Variants in MLIP observed in about 807,000 individuals in gnomAD.
MLIP encodes muscular LMNA interacting protein.
MLIP carries 79 observed loss-of-function variants against 84.8 expected under a neutral mutation model. The observed-to-expected ratio is 0.93, with a 90% CI of 0.78 to 1.12. The LOEUF (loss-of-function observed/expected upper bound fraction) is 1.12. Among genes scored for constraint, MLIP ranks in the 50% most tolerant of loss-of-function variants. MLIP has a pLI of 0.00. For synonymous variants in MLIP, 504 were observed against 463.0 expected (o/e 1.09, Z -1.14); for missense variants, 1,257 against 1,160.6 (o/e 1.08, Z -1.21).
intron 10 of MLIP, among the ~76,000 whole-genome samples, chr6:54,192,463 GA>G (rs1368997385): frequency 4.6e-5 from 7 of 151,850 alleles, no homozygotes; most frequent in African/African-American, 1.7e-4. Flanking sequence ...CTTCACTAAG[GA>G]ATTAGAATAT....
upstream of MLIP, among the ~76,000 whole-genome samples, chr6:54,108,318 A>G (rs1769170030): frequency 6.6e-6 from 1 of 152,218 alleles, no homozygotes; most frequent in Non-Finnish European, 1.5e-5. Flanking sequence ...CTTTTTGTCT[A>G]TAGAAAAGTT....
Position 54,136,942 on chromosome 6 carries a change from G to T in MLIP, c.873G>T (p.Lys291Asn). 2 of 1,535,958 alleles carry T rather than the reference G, an allele frequency of 1.3e-6. No individual in the cohort carries two copies. Among genetic ancestry groups the T allele is most frequent in the Non-Finnish European group, 8.7e-7 (1 of 1,146,848 alleles). ...ACTCTACACCCTTTTCTGCATCGAA[G>T]GGCACCTCCTCGACGTTACTGTTTC... ...TAHSTPFSAS[K>N]GTSSTLLFPH... The change falls in exon 4 of 14, where the codon AAG (lysine) becomes AAT (asparagine). Residue 291 changes from lysine (K) to asparagine (N), a missense_variant. Transcript: ENST00000502396.
At chr6:54,077,215 T>A (rs1465442989) in intron 1 of MLIP, among the ~76,000 whole-genome samples, 1 of 152,150 alleles carries the variant, frequency 6.6e-6, no homozygotes, top group Admixed American at 6.5e-5. Context: ...CCCTTGACTG[T>A]TGGTAAATGT....
chr6:54,100,890 A>G (rs1768596456), intron 1 of MLIP, among the ~76,000 whole-genome samples: 1 of 152,178 alleles, frequency 6.6e-6, no homozygotes, highest in African/African-American at 2.4e-5. Flanking sequence ...TGTTTTGCCC[A>G]GGATGAAAAT....
intron 11 of MLIP, among the ~76,000 whole-genome samples, chr6:54,207,819 A>G (rs571085796): frequency 1.3e-5 from 2 of 152,326 alleles, no homozygotes; most frequent in South Asian, 4.1e-4. Context: ...CCACTGCCAT[A>G]TTTAGAACCT....
At chr6:54,210,137 T>G (rs866308110) in intron 11 of MLIP, among the ~76,000 whole-genome samples, 1,026 of 151,380 alleles carry the variant, frequency 6.8e-3, no homozygotes, top group African/African-American at 0.023. Context: ...CCACCTCACC[T>G]CACCGCACCG....
chr6:54,210,730 G>GGA (rs376473532), intron 11 of MLIP, among the ~76,000 whole-genome samples: 3 of 131,234 alleles, frequency 2.3e-5, no homozygotes, highest in Non-Finnish European at 4.8e-5. Flanking sequence ...CCAACGGAGG[G>GGA]AAAAAAAAAA....
intron 8 of MLIP, 111 bp from the exon 9 acceptor site, chr6:54,169,417 G>A (rs531668546): frequency 4.4e-5 from 25 of 570,670 alleles, no homozygotes; most frequent in African/African-American, 2.7e-4. Context: ...TATAGAGAGA[G>A]CAATGTTTAG....
At chr6:54,108,000 G>GA (rs5876358), upstream of MLIP, among the ~76,000 whole-genome samples, 147,832 of 152,244 alleles carry the variant, frequency 0.97, 71,913 homozygotes, top group Non-Finnish European at 1. Flanking sequence ...GTCAGGAAGA[G>GA]GATTATTTGT....
chr6:54,042,872 C>T (rs1484717124), intron 1 of MLIP, among the ~76,000 whole-genome samples: 1 of 152,150 alleles, frequency 6.6e-6, no homozygotes, highest in African/African-American at 2.4e-5. Flanking sequence ...CAACCACCAT[C>T]ATTATCATCA....
At chr6:54,082,862 C>G (rs1762894515) in intron 1 of MLIP, among the ~76,000 whole-genome samples, 1 of 151,998 alleles carries the variant, frequency 6.6e-6, no homozygotes, top group South Asian at 2.1e-4. Flanking sequence ...TATACTTTGA[C>G]TTGCAAATCC....
intron 1 of MLIP, among the ~76,000 whole-genome samples, chr6:54,085,072 C>T (rs860978): frequency 0.99 from 150,436 of 152,298 alleles, 74,328 homozygotes; most frequent in East Asian, 1. Flanking sequence ...ATTGCATCCA[C>T]GACAGGCTTT....
chr6:54,250,434 C>T (rs1322229386), intron 12 of MLIP, among the ~76,000 whole-genome samples: 1 of 151,974 alleles, frequency 6.6e-6, no homozygotes, highest in African/African-American at 2.4e-5. Flanking sequence ...GCACTATTCA[C>T]AATAGCAAAG....
At chr6:54,236,989 G>A (rs186979863) in intron 12 of MLIP, among the ~76,000 whole-genome samples, 12 of 152,046 alleles carry the variant, frequency 7.9e-5, no homozygotes, top group East Asian at 5.8e-4. Context: ...TAGTATTCAC[G>A]AATTCCATGC....
chr6:54,160,654 T>C, intron 7 of MLIP, 55 bp downstream of exon 7: 2 of 1,523,998 alleles, frequency 1.3e-6, no homozygotes, highest in East Asian at 2.3e-5. Context: ...TTCTCTTCAT[T>C]TTCCTCTACT....
chr6:54,172,130 T>G (rs1775829926), intron 9 of MLIP, among the ~76,000 whole-genome samples: 1 of 151,624 alleles, frequency 6.6e-6, no homozygotes, highest in Non-Finnish European at 1.5e-5. Context: ...AAGTTAGTAC[T>G]GACTACTGAA....
In MLIP at chr6:54,119,456, A is replaced by G. The variant is rs183028401; in HGVS notation, c.97-1991A>G. Among the ~76,000 whole-genome samples the G allele has an allele frequency of 8.6e-4, 131 of 152,332 alleles. 3 individuals are homozygous for G. Among genetic ancestry groups the G allele is most frequent in the Admixed American group, 7.3e-3 (112 of 15,314 alleles). On this transcript the variant is annotated intron_variant, in intron 1 of 13. Coordinates refer to ENST00000502396, the MANE Select transcript of MLIP (RefSeq NM_001281747.2). ...GTTATAGAAAGACAAATACTGCATG[A>G]TCTCACTCATATGTAGAATTTTTAA...
intron 12 of MLIP, among the ~76,000 whole-genome samples, chr6:54,237,489 A>G (rs1454952062): frequency 6.6e-6 from 1 of 152,060 alleles, no homozygotes; most frequent in Admixed American, 6.6e-5. Context: ...ACATATATAC[A>G]TATATATTCA....
chr6:54,195,102 T>C (rs1778204513), intron 10 of MLIP, among the ~76,000 whole-genome samples: 1 of 151,966 alleles, frequency 6.6e-6, no homozygotes, highest in Non-Finnish European at 1.5e-5. Flanking sequence ...TTTTTTGCCA[T>C]GGAAATTCTA....
Sources: allele counts gnomAD v4.1 joint callset (sites outside exome capture counted in the v4.1 genomes callset), GRCh38; gene constraint gnomAD v4.1.1; transcripts MANE v1.5; gene names NCBI Gene and HGNC (gene_info 2026-07-23, HGNC 2026-07-21).